The following EMP2 variants were observed in gnomAD, a reference collection of about 807,000 sequenced individuals.
The protein encoded by EMP2 is epithelial membrane protein 2.
Under a neutral mutation model 13.7 loss-of-function variants are expected in EMP2, and 19 were observed. That is an observed-to-expected ratio of 1.38 (90% CI 0.97 to 2.03). EMP2 has a LOEUF of 2.03. Among genes scored for constraint, EMP2 ranks in the 30% most tolerant of loss-of-function variants. EMP2 has a pLI of 0.00. For synonymous variants in EMP2, 97 were observed against 84.7 expected (o/e 1.15, Z -0.80); for missense variants, 253 against 220.7 (o/e 1.15, Z -0.93).
At chr16:10,557,997 C>T (rs1037889248) in intron 1 of EMP2, among the ~76,000 whole-genome samples, 1 of 149,786 alleles carries the variant, frequency 6.7e-6, no homozygotes, top group Non-Finnish European at 1.5e-5. Flanking sequence ...ATTCTGCACA[C>T]AAAGTGGAAC....
chr16:10,550,580 G>A (rs2050779258), intron 1 of EMP2, among the ~76,000 whole-genome samples: 1 of 152,194 alleles, frequency 6.6e-6, no homozygotes, highest in African/African-American at 2.4e-5. Context: ...ACCAGGAGGT[G>A]CAGTATGCCA....
chr16:10,555,816 A>G (rs776628311), intron 1 of EMP2, among the ~76,000 whole-genome samples: 1 of 152,066 alleles, frequency 6.6e-6, no homozygotes, highest in African/African-American at 2.4e-5. Flanking sequence ...TGAACTCCCA[A>G]TCTCGGGTGA....
Position 10,538,074 on chromosome 16 carries a change from T to C in EMP2, c.170A>G (p.Glu57Gly), listed in dbSNP as rs745363067. ...CTGGACCGCCTGCAGCGTGGAGTAC[T>C]CTGCGGGAAAAGGGCAGGGGCGCAG... ...NCTVINDSFQEYSTLQAVQAT... is the reference protein window; with the variant it reads ...NCTVINDSFQGYSTLQAVQAT... Residue 57 changes from glutamate to glycine, a missense_variant and splice_region_variant, in exon 4 of 5, where the codon GAG becomes GGG. Physicochemically the swap from Glu to Gly is moderately conservative, Grantham distance 98. Transcript: ENST00000359543. 2 of 1,613,464 alleles carry C rather than the reference T, an allele frequency of 1.2e-6. No homozygotes were observed. Among genetic ancestry groups the C allele is most frequent in the Non-Finnish European group, 1.7e-6 (2 of 1,179,890 alleles).
intron 4 of EMP2, among the ~76,000 whole-genome samples, chr16:10,534,503 T>G (rs2050632363): frequency 6.6e-6 from 1 of 152,198 alleles, no homozygotes; most frequent in Non-Finnish European, 1.5e-5. Context: ...CGTTGGATCA[T>G]GCCTGTAATC....
chr16:10,561,019 G>C (rs567715782), intron 1 of EMP2, among the ~76,000 whole-genome samples: 41 of 152,330 alleles, frequency 2.7e-4, no homozygotes, highest in African/African-American at 9.6e-4. Flanking sequence ...CAGAAGGATG[G>C]AGTAGCAGGA....
At chr16:10,562,788 C>T (rs1314496043) in intron 1 of EMP2, among the ~76,000 whole-genome samples, 1 of 152,174 alleles carries the variant, frequency 6.6e-6, no homozygotes, top group Non-Finnish European at 1.5e-5. Flanking sequence ...GGTTGCTCAG[C>T]AAATACTTGT....
At chr16:10,538,422 G>C (rs1176048781) in intron 3 of EMP2, among the ~76,000 whole-genome samples, 1 of 152,196 alleles carries the variant, frequency 6.6e-6, no homozygotes, top group Non-Finnish European at 1.5e-5. Flanking sequence ...CAACGTGGTA[G>C]ATTGTGACTC....
intron 1 of EMP2, among the ~76,000 whole-genome samples, chr16:10,563,202 A>ATTT (rs2050884789): frequency 6.6e-6 from 1 of 151,614 alleles, no homozygotes; most frequent in African/African-American, 2.4e-5. Flanking sequence ...TATTATTATT[A>ATTT]TTATTTTGAG....
chr16:10,576,564 T>G (rs901260254), intron 1 of EMP2: 1 of 151,812 alleles, frequency 6.6e-6, no homozygotes, highest in Non-Finnish European at 1.5e-5. Context: ...AATATCACCC[T>G]GGTGACCCCT....
chr16:10,551,699 C>A (rs952110147), intron 1 of EMP2, among the ~76,000 whole-genome samples: 1 of 152,080 alleles, frequency 6.6e-6, no homozygotes, highest in Non-Finnish European at 1.5e-5. Flanking sequence ...GAGCCACCAT[C>A]CCCAGAGCAA....
rs190895128 is a variant in EMP2 at position 10,566,480 on chromosome 16, C to G, written c.-61+14069G>C. On this transcript the variant is annotated intron_variant, in intron 1 of 4. Coordinates refer to ENST00000359543, the MANE Select transcript of EMP2 (RefSeq NM_001424.6). ...ACCTTAGCCTCAGCTAAGACTCCCC[C>G]CTTGATGAAATCAGAAGAACTGAAA... Among the ~76,000 whole-genome samples the G allele has an allele frequency of 1.8e-3, 277 of 152,324 alleles. 1 individual carries two copies. Among genetic ancestry groups the G allele is most frequent in the African/African-American group, 5.8e-3 (243 of 41,572 alleles).
chr16:10,574,711 C>T (rs951665944), intron 1 of EMP2, among the ~76,000 whole-genome samples: 7 of 151,914 alleles, frequency 4.6e-5, no homozygotes, highest in African/African-American at 9.7e-5. Flanking sequence ...GCCACCATGC[C>T]GGCTAATTTT....
intron 1 of EMP2, among the ~76,000 whole-genome samples, chr16:10,567,543 A>G (rs1475819102): frequency 6.6e-6 from 1 of 152,210 alleles, no homozygotes; most frequent in African/African-American, 2.4e-5. Context: ...TGGGTGAGCC[A>G]GGCATTCGTT....
At chr16:10,538,141 G>A (rs1228239679) in intron 3 of EMP2, 67 bp from the exon 4 acceptor site, 8 of 1,569,806 alleles carry the variant, frequency 5.1e-6, no homozygotes, top group African/African-American at 2.7e-5. Context: ...GGTACACAGC[G>A]ACCGCAGCAG....
At chr16:10,551,672 G>A (rs2050789322) in intron 1 of EMP2, among the ~76,000 whole-genome samples, 1 of 152,202 alleles carries the variant, frequency 6.6e-6, no homozygotes, top group Non-Finnish European at 1.5e-5. Context: ...CTCCCGAAGT[G>A]CTGGGATTAC....
rs1275069240 is a variant in EMP2 at position 10,580,040 on chromosome 16, C to T, written c.-61+509G>A. ...TCCCAGCAGCGCCTCCCGGCTCCTC[C>T]ACCGTTCCTGACCCCCAAGAAGTCG... is the stretch of plus-strand genomic sequence containing the variant. On this transcript the variant is annotated intron_variant, in intron 1 of 4. Transcript: ENST00000359543. The surrounding 1 kb of genome is among the most constrained non-coding windows in gnomAD (Gnocchi z 4.3). Among the ~76,000 whole-genome samples the T allele has an allele frequency of 2.6e-5, 4 of 152,322 alleles. No homozygotes were observed. The highest frequency in any genetic ancestry group is 2.0e-4 in the Admixed American group (3 of 15,302).
intron 1 of EMP2, chr16:10,558,846 G>A (rs2050851679): frequency 6.6e-6 from 1 of 152,166 alleles, no homozygotes; most frequent in Admixed American, 6.6e-5. Flanking sequence ...CTGTTAAGAT[G>A]ACCGCTCCGT....
chr16:10,543,357 G>C (rs181904066), intron 3 of EMP2, among the ~76,000 whole-genome samples: 2 of 152,372 alleles, frequency 1.3e-5, no homozygotes, highest in Admixed American at 1.3e-4. Context: ...AGCTGGAGTT[G>C]GTCTCCCTCC....
intron 1 of EMP2, among the ~76,000 whole-genome samples, chr16:10,575,139 C>T (rs1449276509): frequency 6.6e-6 from 1 of 151,562 alleles, no homozygotes; most frequent in Non-Finnish European, 1.5e-5. Context: ...CTCCCAAGCC[C>T]ATCTCCAACA....
Sources: allele counts gnomAD v4.1 joint callset (sites outside exome capture counted in the v4.1 genomes callset), GRCh38; gene constraint gnomAD v4.1.1; non-coding constraint Gnocchi (gnomAD v3.1); transcripts MANE v1.5; gene names NCBI Gene and HGNC (gene_info 2026-07-23, HGNC 2026-07-21).